The following FARS2 variants were observed in gnomAD, a reference collection of about 807,000 sequenced individuals.
FARS2 encodes phenylalanine--tRNA ligase, mitochondrial.
FARS2 carries 40 observed loss-of-function variants against 46.4 expected under a neutral mutation model. The observed-to-expected ratio is 0.86, with a 90% confidence interval of 0.67 to 1.12. The LOEUF is 1.12. FARS2 is among the 50% of genes most tolerant of loss of function. FARS2 has a pLI of 0.00. For synonymous variants in FARS2, 234 were observed against 214.9 expected, an observed-to-expected ratio of 1.09 and a Z score of -0.78; for missense variants, 513 against 567.9, an observed-to-expected ratio of 0.90 and a Z score of 0.98.
chr6:5,745,970 A>G (rs1427490721), intron 6 of FARS2, among the ~76,000 whole-genome samples: 1 of 152,198 alleles, frequency 6.6e-6, no homozygotes, highest in East Asian at 1.9e-4. Flanking sequence ...TGAGGAGGCA[A>G]CAAGCCTCCA....
intron 5 of FARS2, among the ~76,000 whole-genome samples, chr6:5,582,103 G>A (rs1487620871): frequency 3.6e-5 from 5 of 139,232 alleles, no homozygotes; most frequent in South Asian, 2.7e-4. Context: ...TTCCTGATGC[G>A]CTTCTATAAA....
chr6:5,297,900 T>C (rs1288951675), intron 1 of FARS2, among the ~76,000 whole-genome samples: 6 of 152,228 alleles, frequency 3.9e-5, no homozygotes, highest in Admixed American at 2.6e-4. Flanking sequence ...GTGGAGTTTT[T>C]AAAAACATCT....
intron 3 of FARS2, among the ~76,000 whole-genome samples, chr6:5,409,804 T>G (rs1049020194): frequency 6.6e-6 from 1 of 152,214 alleles, no homozygotes; most frequent in South Asian, 2.1e-4. Context: ...ATCCTGAAAC[T>G]GCTGAAAGGT....
intron 4 of FARS2, among the ~76,000 whole-genome samples, chr6:5,502,433 G>A (rs965335370): frequency 6.6e-6 from 1 of 151,814 alleles, no homozygotes. Context: ...CCTTTTGGTC[G>A]CAATTACTCT....
intron 1 of FARS2, among the ~76,000 whole-genome samples, chr6:5,329,411 T>C (rs914636657): frequency 8.5e-5 from 13 of 152,198 alleles, no homozygotes; most frequent in African/African-American, 2.9e-4. Context: ...TTCAACCTGT[T>C]TTTTTGTTTT....
intron 4 of FARS2, among the ~76,000 whole-genome samples, chr6:5,511,189 G>A (rs1472044654): frequency 6.6e-6 from 1 of 152,168 alleles, no homozygotes; most frequent in African/African-American, 2.4e-5. Flanking sequence ...AATGATAGAT[G>A]CCAAGATGAA....
chr6:5,513,538 C>T (rs190624623), intron 4 of FARS2, among the ~76,000 whole-genome samples: 55 of 152,278 alleles, frequency 3.6e-4, no homozygotes, highest in African/African-American at 1.3e-3. Flanking sequence ...TCTTTGTGTT[C>T]GAGTCTCAAA....
In FARS2 at chr6:5,608,333, G is replaced by T. The variant is rs149013090; in HGVS notation, c.1066-4836G>T. Among the ~76,000 whole-genome samples, 391 of 152,192 alleles carry T rather than the reference G, an allele frequency of 2.6e-3. 1 individual carries two copies. The highest frequency in any genetic ancestry group is 8.9e-3 in the African/African-American group (371 of 41,538). On this transcript the variant is annotated intron_variant, in intron 5 of 6. Transcript: ENST00000274680. ...TTCATTAGGTTCATAGCTGTTTCTT[G>T]TTTACTGCCTTGGTTAGACCTGTGA...
At chr6:5,334,719 G>A (rs1561965160) in intron 1 of FARS2, among the ~76,000 whole-genome samples, 1 of 152,128 alleles carries the variant, frequency 6.6e-6, no homozygotes, top group Non-Finnish European at 1.5e-5. Context: ...ATATGTAATA[G>A]TTTTGGGGAT....
chr6:5,688,283 T>G (rs1178498383), intron 6 of FARS2, among the ~76,000 whole-genome samples: 7 of 152,148 alleles, frequency 4.6e-5, no homozygotes, highest in Non-Finnish European at 1.5e-5. Context: ...TGTGCCAGTT[T>G]TCAAAGGGAA....
chr6:5,682,642 C>T (rs974748759), intron 6 of FARS2, among the ~76,000 whole-genome samples: 1 of 152,230 alleles, frequency 6.6e-6, no homozygotes, highest in African/African-American at 2.4e-5. Flanking sequence ...TTTATCCATG[C>T]ACTCAATAGG....
intron 1 of FARS2, among the ~76,000 whole-genome samples, chr6:5,299,806 T>C (rs1768166101): frequency 6.6e-6 from 1 of 152,018 alleles, no homozygotes; most frequent in East Asian, 1.9e-4. Flanking sequence ...GTCCTTGTGA[T>C]AGTTTGCTGA....
intron 6 of FARS2, among the ~76,000 whole-genome samples, chr6:5,625,508 G>T (rs1158965416): frequency 3.3e-5 from 5 of 152,220 alleles, no homozygotes; most frequent in Non-Finnish European, 7.3e-5. Context: ...TCAGCCCCGG[G>T]GGGAGGGACT....
intron 4 of FARS2, among the ~76,000 whole-genome samples, chr6:5,450,339 G>T (rs1450975684): frequency 6.6e-6 from 1 of 151,970 alleles, no homozygotes; most frequent in Non-Finnish European, 1.5e-5. Context: ...GAATGAGTAA[G>T]GGTTGGTGGT....
intron 3 of FARS2, among the ~76,000 whole-genome samples, chr6:5,407,066 T>TATATA (rs70975905): frequency 2.7e-5 from 3 of 109,718 alleles, no homozygotes; most frequent in South Asian, 7.3e-4. Context: ...TATATATATA[T>TATATA]AATGACCAAT....
chr6:5,770,618 G>T (rs1279519634), intron 6 of FARS2, among the ~76,000 whole-genome samples: 1 of 152,178 alleles, frequency 6.6e-6, no homozygotes, highest in East Asian at 1.9e-4. Flanking sequence ...ACTGACCAGT[G>T]TGTCTTAGCA....
At chr6:5,655,305 T>C (rs1358329765) in intron 6 of FARS2, among the ~76,000 whole-genome samples, 2 of 152,246 alleles carry the variant, frequency 1.3e-5, no homozygotes, top group African/African-American at 4.8e-5. Flanking sequence ...TAATCCTTTT[T>C]AGCATGATTG....
At chr6:5,450,432 G>A (rs1764420069) in intron 4 of FARS2, among the ~76,000 whole-genome samples, 1 of 151,952 alleles carries the variant, frequency 6.6e-6, no homozygotes, top group Admixed American at 6.6e-5. Flanking sequence ...AGGCATTTGG[G>A]TTTGGGGCGG....
Position 5,561,331 on chromosome 6 carries a change from A to G in FARS2, c.1065+15991A>G, listed in dbSNP as rs535149779. Among the ~76,000 whole-genome samples the G allele has an allele frequency of 1.2e-3, 190 of 152,024 alleles. 1 individual carries two copies. Among genetic ancestry groups the G allele is most frequent in the Middle Eastern group, 6.8e-3 (2 of 294 alleles). Reference sequence around the variant, plus strand: ...TTTGCTTTTCTTCTTAATGAAGTATATTGTTTGAGTATTTGTTTCTGTGAG... The same window carrying G: ...TTTGCTTTTCTTCTTAATGAAGTATGTTGTTTGAGTATTTGTTTCTGTGAG... On this transcript the variant is annotated intron_variant, in intron 5 of 6. Coordinates refer to ENST00000274680, the MANE Select transcript of FARS2 (RefSeq NM_006567.5).
Sources: gnomAD v4.1 joint callset for allele counts (sites outside exome capture counted in the v4.1 genomes callset) on GRCh38, gnomAD v4.1.1 for gene constraint, MANE v1.5 for transcripts, NCBI Gene and HGNC (gene_info 2026-07-23, HGNC 2026-07-21) for gene names.